HIPK3: variants seen among roughly 807,000 people sequenced by gnomAD.
HIPK3 encodes homeodomain-interacting protein kinase 3.
HIPK3 carries 47 observed loss-of-function variants against 124.2 expected under a neutral mutation model. The observed-to-expected ratio is 0.38, with a 90% CI of 0.30 to 0.48. HIPK3 has a LOEUF of 0.48. Ranked by LOEUF, HIPK3 falls within the 20% of genes least tolerant of loss-of-function variation. The pLI is 0.98. For synonymous variants in HIPK3, 482 were observed against 515.2 expected (o/e 0.94, Z 0.87); for missense variants, 1,286 against 1,454.3 (o/e 0.88, Z 1.88).
chr11:33,293,463 C>T (rs1851755104), intron 2 of HIPK3, among the ~76,000 whole-genome samples: 2 of 151,808 alleles, frequency 1.3e-5, no homozygotes, highest in Admixed American at 6.6e-5. Context: ...CACTAATCTA[C>T]TTGCTGCCTG....
At chr11:33,275,809 T>C (rs1214065269) in intron 1 of HIPK3, among the ~76,000 whole-genome samples, 1 of 152,250 alleles carries the variant, frequency 6.6e-6, no homozygotes, top group East Asian at 1.9e-4. Context: ...TAAGTAATAC[T>C]TTTAAATGAA....
In HIPK3 at chr11:33,287,043, A is replaced by G. The variant is rs1851576524; in HGVS notation, c.629A>G (p.Gln210Arg). ...TTTCTTGGTCGAGGCACGTTTGGCCAGGTAGTTAAATGCTGGAAAAGAGGG... is the reference window on the plus strand; with the variant it reads ...TTTCTTGGTCGAGGCACGTTTGGCCGGGTAGTTAAATGCTGGAAAAGAGGG... Reference protein sequence around the residue: ...LDFLGRGTFGQVVKCWKRGTN... With the variant: ...LDFLGRGTFGRVVKCWKRGTN... The change falls in exon 2 of 17, where the codon CAG becomes CGG. Residue 210 changes from glutamine to arginine, a missense_variant. Gln to Arg is a conservative substitution (Grantham distance 43). This residue lies in a region of HIPK3 where 251 missense variants were observed against 349.1 expected (regional missense o/e 0.72). Transcript: ENST00000303296. 6.2e-7 allele frequency: 1 copy of G among 1,614,244 alleles called. No individual in the cohort carries two copies. The highest frequency in any genetic ancestry group is 8.5e-7 in the Non-Finnish European group (1 of 1,180,042).
chr11:33,281,231 G>A (rs1851405789), intron 1 of HIPK3, among the ~76,000 whole-genome samples: 1 of 151,876 alleles, frequency 6.6e-6, no homozygotes, highest in South Asian at 2.1e-4. Flanking sequence ...CACCACACCT[G>A]GCTAATTTTT....
At chr11:33,300,620 T>C (rs985015617) in intron 2 of HIPK3, among the ~76,000 whole-genome samples, 1 of 152,236 alleles carries the variant, frequency 6.6e-6, no homozygotes, top group African/African-American at 2.4e-5. Flanking sequence ...CCAAAAAATT[T>C]GTGTGACTCA....
intron 2 of HIPK3, among the ~76,000 whole-genome samples, chr11:33,308,613 GGTGT>G (rs10628141): frequency 4.3e-4 from 63 of 147,462 alleles, no homozygotes; most frequent in African/African-American, 1.2e-3. Context: ...TGTGCCTAGG[GGTGT>G]GTGTGTGTGT....
At chr11:33,310,466 A>G (rs192109322) in intron 2 of HIPK3, among the ~76,000 whole-genome samples, 1 of 151,792 alleles carries the variant, frequency 6.6e-6, no homozygotes, top group Non-Finnish European at 1.5e-5. Flanking sequence ...CACCACCATG[A>G]CCCAGCTAAT....
chr11:33,277,695 C>T (rs954502521), intron 1 of HIPK3, among the ~76,000 whole-genome samples: 13 of 152,182 alleles, frequency 8.5e-5, no homozygotes, highest in Non-Finnish European at 1.5e-4. Flanking sequence ...ATGGAGTATA[C>T]ACCTGGGAGA....
At chr11:33,281,276 C>T (rs1231621356) in intron 1 of HIPK3, among the ~76,000 whole-genome samples, 1 of 151,762 alleles carries the variant, frequency 6.6e-6, no homozygotes, top group African/African-American at 2.4e-5. Flanking sequence ...ATGCTTGGCC[C>T]TTATTTAACT....
chr11:33,265,743 A>C (rs945840913), intron 1 of HIPK3, among the ~76,000 whole-genome samples: 8 of 127,100 alleles, frequency 6.3e-5, no homozygotes, highest in Non-Finnish European at 1.3e-4. Context: ...ACTGCAATCC[A>C]GCTTGAGTGA....
chr11:33,350,364 C>T (rs756921404), intron 14 of HIPK3, among the ~76,000 whole-genome samples: 14 of 151,992 alleles, frequency 9.2e-5, no homozygotes, highest in Non-Finnish European at 2.1e-4. Flanking sequence ...GATTTACTAA[C>T]GCATTGAGAG....
chr11:33,337,114 C>G lies in HIPK3; in HGVS notation c.1261C>G (p.Gln421Glu). 6.2e-7 allele frequency: 1 copy of G among 1,601,568 alleles called. No individual in the cohort carries two copies. ...TCAGACTCAAGGTTTGCCAGGAGAACAGTTGTTAAATGTGGGTACTAAATC... is the reference window on the plus strand; with the variant it reads ...TCAGACTCAAGGTTTGCCAGGAGAAGAGTTGTTAAATGTGGGTACTAAATC... Reference protein sequence around the residue: ...ISQTQGLPGEQLLNVGTKSTR... With the variant: ...ISQTQGLPGEELLNVGTKSTR... The change falls in exon 4 of 17, where the codon CAG (glutamine) becomes GAG (glutamate). Residue 421 changes from glutamine to glutamate, a missense_variant. Coordinates refer to ENST00000303296, the MANE Select transcript of HIPK3 (RefSeq NM_005734.5).
chr11:33,258,363 C>T, intron 1 of HIPK3: 1 of 985,782 alleles, frequency 1.0e-6, no homozygotes, highest in South Asian at 4.7e-5. Context: ...CGCGCAGGCA[C>T]GCAGCTTGAG....
chr11:33,349,210 A>G lies in HIPK3; in HGVS notation c.2730A>G (p.Ser910=), dbSNP rs758965316. The change falls in exon 14 of 17, where the codon TCA becomes TCG. Residue 910 remains serine (S), a synonymous_variant. Coordinates refer to ENST00000303296, the MANE Select transcript of HIPK3 (RefSeq NM_005734.5). ...QSTLNIDRMC[S]LSSPDSTLST... ...CTTTGAATATTGATCGGATGTGTTC[A>G]TTAAGTAGTCCTGATAGTACTCTGA... The G allele has an allele frequency of 2.0e-5, 32 of 1,613,692 alleles. No homozygotes were observed. Among genetic ancestry groups the G allele is most frequent in the Admixed American group, 8.3e-5 (5 of 59,992 alleles).
intron 1 of HIPK3, among the ~76,000 whole-genome samples, chr11:33,268,582 C>T (rs913538822): frequency 9.1e-6 from 1 of 110,418 alleles, no homozygotes; most frequent in Non-Finnish European, 1.8e-5. Flanking sequence ...CAGAGTAAGA[C>T]TCCGTCACCA....
chr11:33,268,287 A>T (rs1242743597), intron 1 of HIPK3, among the ~76,000 whole-genome samples: 1 of 152,172 alleles, frequency 6.6e-6, no homozygotes, highest in African/African-American at 2.4e-5. Flanking sequence ...GATATTTTAT[A>T]CATGTGTATT....
intron 1 of HIPK3, among the ~76,000 whole-genome samples, chr11:33,285,525 T>G (rs1350424638): frequency 6.6e-6 from 1 of 150,880 alleles, no homozygotes; most frequent in Non-Finnish European, 1.5e-5. Flanking sequence ...CTAATTTTAT[T>G]TAAAATCCCT....
chr11:33,343,247 TTGTGTGTGTGTGTGTGTGTG>T (rs3884092), intron 8 of HIPK3, among the ~76,000 whole-genome samples: 6 of 141,416 alleles, frequency 4.2e-5, no homozygotes, highest in Admixed American at 1.4e-4. Flanking sequence ...TTATTTGATT[TTGTGTGTGTGTGTGTGTGTG>T]TGTGTGTGTG....
At chr11:33,305,533 A>G (rs1445160824) in intron 2 of HIPK3, among the ~76,000 whole-genome samples, 1 of 152,208 alleles carries the variant, frequency 6.6e-6, no homozygotes, top group East Asian at 1.9e-4. Flanking sequence ...TGATAATACT[A>G]TCTTCATTTT....
rs750599692 is a variant in HIPK3 at position 33,286,605 on chromosome 11, C to A, written c.191C>A (p.Thr64Lys). 2 of 1,614,082 alleles carry A rather than the reference C, an allele frequency of 1.2e-6. No homozygotes were observed. The highest frequency in any genetic ancestry group is 2.2e-5 in the South Asian group (2 of 91,080). The change falls in exon 2 of 17, where the codon ACA (threonine) becomes AAA (lysine). Residue 64 changes from threonine to lysine, a missense_variant. By Grantham distance (78) the Thr-to-Lys change is moderately conservative (BLOSUM62 -1). Around this residue, in one of 3 missense-constraint regions of HIPK3, gnomAD observed 225 missense variants for 240.3 expected, o/e 0.94. Transcript: ENST00000303296. ...CCCACTAAGGGTAGTGCTTTTCAGA[C>A]AAAGATACCATTTAATAGACCTCGA... ...HPPTKGSAFQ[T>K]KIPFNRPRGH...
Sources: gnomAD v4.1 joint callset for allele counts (sites outside exome capture counted in the v4.1 genomes callset) on GRCh38, gnomAD v4.1.1 for gene constraint, gnomAD v4.1.1 regional missense constraint, MANE v1.5 for transcripts, NCBI Gene and HGNC (gene_info 2026-07-23, HGNC 2026-07-21) for gene names.